Variants in ITPA observed in about 807,000 individuals in gnomAD.
The protein encoded by ITPA is inosine triphosphatase.
In ITPA, 29 loss-of-function variants were observed where a neutral mutation model predicts 29.6. The observed-to-expected ratio is 0.98, with a 90% confidence interval of 0.73 to 1.34. The LOEUF (loss-of-function observed/expected upper bound fraction) is 1.34, where lower values mean the gene tolerates loss of function less well. ITPA is among the 40% of genes most tolerant of loss of function. The pLI, the probability that ITPA is intolerant of heterozygous loss-of-function variation, is 0.00. For missense variants in ITPA, 241 were observed against 251.5 expected (o/e 0.96, Z 0.28); for synonymous variants, 103 against 99.3 (o/e 1.04, Z -0.22).
At chr20:3,204,746 C>A, upstream of ITPA, 8 of 939,138 alleles carry the variant, frequency 8.5e-6, no homozygotes, top group Non-Finnish European at 1.6e-6. Flanking sequence ...AGCGGCACAT[C>A]ACAGAGAGGC....
chr20:3,224,074 C>T (rs573825691), downstream of ITPA, among the ~76,000 whole-genome samples: 39 of 152,338 alleles, frequency 2.6e-4, no homozygotes, highest in Admixed American at 2.0e-3. Context: ...GCCCCCCACC[C>T]GCAGGTAGTG....
chr20:3,212,254 AT>A (rs1430417037), intron 1 of ITPA, among the ~76,000 whole-genome samples: 1 of 152,164 alleles, frequency 6.6e-6, no homozygotes, highest in Non-Finnish European at 1.5e-5. Context: ...AATATTTGTG[AT>A]TTAGTTATAT....
rs959764057 is a variant in ITPA at position 3,223,625 on chromosome 20, G to C, written c.*163G>C. 10 of 650,064 alleles carry C rather than the reference G, an allele frequency of 1.5e-5. No individual in the cohort carries two copies. In the African/African-American group the frequency reaches 1.8e-4, roughly 12 times the overall value. The allele number at this position is 650,064 out of a possible 1,614,324, so 40.3% of individuals were successfully genotyped here. A position where few individuals can be genotyped will look rare whatever the true frequency, so the allele number is the denominator to read the frequency against. ...CCTGTCTGGAGGAGCAGCTGGCTCT[G>C]CTCTGAGAAACTCTGGCAAGTGGAC... On this transcript the variant is annotated 3_prime_UTR_variant, in exon 8 of 8. Transcript: ENST00000380113.
At chr20:3,223,163 C>T (rs2067509844) in intron 7 of ITPA, among the ~76,000 whole-genome samples, 1 of 152,224 alleles carries the variant, frequency 6.6e-6, no homozygotes, top group Non-Finnish European at 1.5e-5. Context: ...CATGCTCATT[C>T]ATGGGGGTTT....
chr20:3,206,639 G>A (rs1322959436), upstream of ITPA, among the ~76,000 whole-genome samples: 2 of 151,292 alleles, frequency 1.3e-5, no homozygotes, highest in African/African-American at 4.9e-5. Flanking sequence ...AACCATCCTG[G>A]CTAACACGGT....
Position 3,223,585 on chromosome 20 carries a change from G to C in ITPA, c.*123G>C, listed in dbSNP as rs13830. ...AGGGTTTCCCCTTTGTGAGGGTGTC[G>C]AGTAGCCTCACCGGCCTGTCTGGAG... is the stretch of plus-strand genomic sequence containing the variant. On this transcript the variant is annotated 3_prime_UTR_variant, in exon 8 of 8. Coordinates refer to ENST00000380113, the MANE Select transcript of ITPA (RefSeq NM_033453.4). The C allele has an allele frequency of 2.7e-6, 2 of 752,102 alleles. No homozygotes were observed. The highest frequency in any genetic ancestry group is 4.6e-6 in the Non-Finnish European group (2 of 435,420). The allele number at this position is 752,102 out of a possible 1,614,324, so 46.6% of individuals were successfully genotyped here. A position where few individuals can be genotyped will look rare whatever the true frequency, so the allele number is the denominator to read the frequency against.
At position 3,215,263 on chromosome 20, in the gene ITPA, C is replaced by G. The variant is rs753638776; in HGVS notation, c.264-18C>G. The G allele has an allele frequency of 3.1e-6, 5 of 1,613,452 alleles. No individual in the cohort carries two copies. Among genetic ancestry groups the G allele is most frequent in the Non-Finnish European group, 4.2e-6 (5 of 1,179,396 alleles). ...CCAGCTGCTCCTGGTGTCTGACTGT[C>G]CTTTCTTTCTCTTGCAGAAAGTGGT... On this transcript the variant is annotated intron_variant, in intron 4 of 7. Transcript: ENST00000380113.
intron 7 of ITPA, among the ~76,000 whole-genome samples, chr20:3,222,616 G>T (rs374526154): frequency 1.3e-5 from 2 of 152,160 alleles, no homozygotes; most frequent in African/African-American, 4.8e-5. Flanking sequence ...CCAAGTACCA[G>T]TTGTTCTCTG....
At chr20:3,206,808 G>T (rs907571006), upstream of ITPA, among the ~76,000 whole-genome samples, 1 of 150,830 alleles carries the variant, frequency 6.6e-6, no homozygotes, top group Non-Finnish European at 1.5e-5. Context: ...TCCAGCCTGG[G>T]CGACAGAGTG....
At position 3,223,425 on chromosome 20, in the gene ITPA, T is replaced by C. The variant is rs774564315; in HGVS notation, c.548T>C (p.Leu183Pro). 1.3e-5 allele frequency: 21 copies of C among 1,613,846 alleles called. No individual in the cohort carries two copies. Among genetic ancestry groups the C allele is most frequent in the Non-Finnish European group, 1.6e-5 (19 of 1,179,958 alleles). The change falls in exon 8 of 8, where the codon CTG (leucine) becomes CCG (proline). Residue 183 changes from leucine (L) to proline (P), a missense_variant. Transcript: ENST00000380113. Reference sequence around the variant, plus strand: ...GTCTCCCATCGCTTCCGGGCCCTGCTGGAGCTGCAGGAGTACTTTGGCAGT... The same window carrying C: ...GTCTCCCATCGCTTCCGGGCCCTGCCGGAGCTGCAGGAGTACTTTGGCAGT... ...NAVSHRFRAL[L>P]ELQEYFGSLA...
chr20:3,218,536 C>A lies in ITPA; in HGVS notation c.315C>A (p.Ala105=). 6.2e-7 allele frequency: 1 copy of A among 1,613,838 alleles called. No homozygotes were observed. The highest frequency in any genetic ancestry group is 1.1e-5 in the South Asian group (1 of 91,074). ...LKPEGLHQLL[A]GFEDKSAYAL... is the part of the protein sequence containing the mutation. ...CCGCAGGTCTCCACCAGCTCCTGGC[C>A]GGGTTCGAGGACAAGTCAGCCTATG... The change falls in exon 6 of 8, where the codon GCC becomes GCA. Residue 105 remains alanine (A), a synonymous_variant. Transcript: ENST00000380113.
At chr20:3,224,715 C>T (rs2067538769), downstream of ITPA, among the ~76,000 whole-genome samples, 1 of 152,162 alleles carries the variant, frequency 6.6e-6, no homozygotes, top group Admixed American at 6.5e-5. Flanking sequence ...ATGTAGCCCC[C>T]CTGTGCAGGG....
intron 1 of ITPA, among the ~76,000 whole-genome samples, chr20:3,211,701 C>G (rs894408501): frequency 6.6e-6 from 1 of 152,106 alleles, no homozygotes; most frequent in African/African-American, 2.4e-5. Flanking sequence ...CCATGTTGGT[C>G]AGGCTGGTCT....
intron 4 of ITPA, among the ~76,000 whole-genome samples, chr20:3,214,821 T>C (rs774630753): frequency 1.4e-3 from 206 of 152,266 alleles, no homozygotes; most frequent in Non-Finnish European, 2.3e-3. Context: ...CCTCGTGATC[T>C]GCCCTTCTTG....
upstream of ITPA, among the ~76,000 whole-genome samples, chr20:3,206,846 A>G (rs753031876): frequency 9.3e-5 from 14 of 149,752 alleles, no homozygotes; most frequent in Non-Finnish European, 1.8e-4. Context: ...AAAAAAAAAG[A>G]AGAAGAAAGA....
chr20:3,219,882 AAAAT>A (rs1033219565), intron 6 of ITPA, among the ~76,000 whole-genome samples: 9 of 152,054 alleles, frequency 5.9e-5, no homozygotes, highest in Admixed American at 2.0e-4. Context: ...CCCTGTCTCA[AAAAT>A]AAATAAATAG....
At chr20:3,221,661 G>C (rs1568519270) in intron 6 of ITPA, 180 bp from the exon 7 acceptor site, 2 of 679,160 alleles carry the variant, frequency 2.9e-6, no homozygotes, top group East Asian at 5.5e-5. Flanking sequence ...GAGCTGCCCC[G>C]CTCTGCTTTT....
At chr20:3,217,552 C>G (rs945342205) in intron 5 of ITPA, among the ~76,000 whole-genome samples, 19 of 151,922 alleles carry the variant, frequency 1.3e-4, no homozygotes, top group African/African-American at 4.1e-4. Flanking sequence ...CGGCTCACTG[C>G]CCACCATCAG....
Position 3,209,924 on chromosome 20 carries a change from C to T in ITPA, c.66+307C>T, listed in dbSNP as rs893850001. The stretch of plus-strand genomic sequence containing the variant: ...CTCTTAACAACCGCCCCGAAGGTCA[C>T]CTATTGAAGTAGACCCCAACCCAGT... On this transcript the variant is annotated intron_variant, in intron 1 of 7. Transcript: ENST00000380113. The surrounding 1 kb of genome is among the most constrained non-coding windows in gnomAD (Gnocchi z 4.6). 6.6e-6 allele frequency among the ~76,000 whole-genome samples: 1 copy of T among 152,098 alleles called. No individual in the cohort carries two copies. The highest frequency in any genetic ancestry group is 1.5e-5 in the Non-Finnish European group (1 of 68,030).
Sources: allele counts gnomAD v4.1 joint callset (sites outside exome capture counted in the v4.1 genomes callset), GRCh38; gene constraint gnomAD v4.1.1; non-coding constraint Gnocchi (gnomAD v3.1); transcripts MANE v1.5; gene names NCBI Gene and HGNC (gene_info 2026-07-23, HGNC 2026-07-21).